ANKS1B: variants seen among roughly 807,000 people sequenced by gnomAD.
ANKS1B encodes the protein ankyrin repeat and sterile alpha motif domain containing 1B.
In ANKS1B, 36 loss-of-function variants were observed where a neutral mutation model predicts 148.3. The observed-to-expected ratio is 0.24, with a 90% CI of 0.19 to 0.32. ANKS1B has a LOEUF of 0.32. ANKS1B is among the 10% of genes least tolerant of loss of function. ANKS1B has a pLI of 1.00. For missense variants in ANKS1B, 1,157 were observed against 1,542.6 expected, an observed-to-expected ratio of 0.75 and a Z score of 4.19; for synonymous variants, 542 against 560.8, an observed-to-expected ratio of 0.97 and a Z score of 0.47.
chr12:99,710,553 G>T (rs147395504), intron 8 of ANKS1B, among the ~76,000 whole-genome samples: 1 of 152,228 alleles, frequency 6.6e-6, no homozygotes, highest in Non-Finnish European at 1.5e-5. Context: ...GTCATGAAAC[G>T]AAGGACTGAG....
At chr12:99,157,829 A>G (rs1331306955) in intron 14 of ANKS1B, among the ~76,000 whole-genome samples, 2 of 152,184 alleles carry the variant, frequency 1.3e-5, no homozygotes, top group Non-Finnish European at 2.9e-5. Flanking sequence ...ATTATATATT[A>G]CAAAAGACAG....
At chr12:99,153,417 A>G (rs944129885) in intron 15 of ANKS1B, among the ~76,000 whole-genome samples, 1 of 152,078 alleles carries the variant, frequency 6.6e-6, no homozygotes, top group Non-Finnish European at 1.5e-5. Flanking sequence ...GATATGTGTG[A>G]TGGGTACTTA....
intron 15 of ANKS1B, among the ~76,000 whole-genome samples, chr12:99,109,369 C>A (rs550977626): frequency 1.3e-5 from 2 of 152,244 alleles, no homozygotes; most frequent in East Asian, 1.9e-4. Context: ...GCTTTCATTA[C>A]GTGCCAGGCC....
At chr12:99,497,115 G>A (rs755650964) in intron 10 of ANKS1B, among the ~76,000 whole-genome samples, 10 of 152,102 alleles carry the variant, frequency 6.6e-5, no homozygotes, top group East Asian at 1.9e-4. Flanking sequence ...CCAAATCTAC[G>A]GATGCTTAAG....
chr12:99,341,827 A>T (rs2089971924), intron 12 of ANKS1B, among the ~76,000 whole-genome samples: 1 of 152,126 alleles, frequency 6.6e-6, no homozygotes, highest in Non-Finnish European at 1.5e-5. Flanking sequence ...AAAGGTATAT[A>T]GAAGGAAGCA....
intron 15 of ANKS1B, among the ~76,000 whole-genome samples, chr12:99,096,114 C>T (rs1315338878): frequency 6.6e-6 from 1 of 152,158 alleles, no homozygotes; most frequent in East Asian, 1.9e-4. Context: ...GAAATCCAAA[C>T]ACATTATAAT....
At chr12:99,244,965 G>A (rs151173056) in intron 13 of ANKS1B, among the ~76,000 whole-genome samples, 93 of 152,240 alleles carry the variant, frequency 6.1e-4, no homozygotes, top group Non-Finnish European at 9.1e-4. Flanking sequence ...AATGAGTCTC[G>A]TGCCTCAGCC....
At chr12:99,903,932 C>T (rs1254671158) in intron 1 of ANKS1B, among the ~76,000 whole-genome samples, 1 of 151,986 alleles carries the variant, frequency 6.6e-6, no homozygotes, top group Non-Finnish European at 1.5e-5. Flanking sequence ...GTGTTCAAAA[C>T]CCAGTGTGTA....
intron 1 of ANKS1B, among the ~76,000 whole-genome samples, chr12:99,860,873 T>C (rs963180537): frequency 1.4e-4 from 22 of 152,214 alleles, no homozygotes; most frequent in African/African-American, 5.1e-4. Context: ...AGGATGGCTA[T>C]ATCTTTCCTA....
intron 4 of ANKS1B, among the ~76,000 whole-genome samples, chr12:99,795,510 T>C (rs935332811): frequency 6.6e-6 from 1 of 151,966 alleles, no homozygotes. Context: ...AGAACTTCTA[T>C]AGGATATAAT....
chr12:98,905,973 G>A (rs913893917), intron 17 of ANKS1B, among the ~76,000 whole-genome samples: 1 of 152,150 alleles, frequency 6.6e-6, no homozygotes, highest in African/African-American at 2.4e-5. Flanking sequence ...ACACTTTGTT[G>A]GGACCTGGGA....
chr12:99,598,541 A>C (rs1205345220), intron 9 of ANKS1B, among the ~76,000 whole-genome samples: 1 of 152,112 alleles, frequency 6.6e-6, no homozygotes, highest in East Asian at 1.9e-4. Context: ...GCCCATATTC[A>C]TAACCACTGA....
intron 8 of ANKS1B, among the ~76,000 whole-genome samples, chr12:99,766,788 T>A (rs1422985796): frequency 6.6e-6 from 1 of 152,186 alleles, no homozygotes; most frequent in African/African-American, 2.4e-5. Flanking sequence ...GTTCCTATAA[T>A]AAGCCTCTAT....
chr12:99,436,024 C>T lies in ANKS1B; in HGVS notation c.1575+7649G>A, dbSNP rs983843552. ...TTTTACTTAATATTATTTTCTATTACGTCTATCTTTCTGTTTTTAGCCTTC... is the reference window on the plus strand; with the variant it reads ...TTTTACTTAATATTATTTTCTATTATGTCTATCTTTCTGTTTTTAGCCTTC... On this transcript the variant is annotated intron_variant, in intron 11 of 26. Transcript: ENST00000683438. 4.0e-5 allele frequency among the ~76,000 whole-genome samples: 6 copies of T among 151,592 alleles called. 1 individual carries two copies. In the South Asian group the frequency reaches 1.0e-3, roughly 26 times the overall value.
intron 17 of ANKS1B, among the ~76,000 whole-genome samples, chr12:98,854,466 T>G (rs115861681): frequency 1.9e-4 from 29 of 152,274 alleles, no homozygotes; most frequent in African/African-American, 6.7e-4. Context: ...CCAGGCTTTA[T>G]GCGCAATTTA....
intron 17 of ANKS1B, among the ~76,000 whole-genome samples, chr12:98,956,103 A>G (rs2099861771): frequency 6.6e-6 from 1 of 151,782 alleles, no homozygotes; most frequent in African/African-American, 2.4e-5. Flanking sequence ...AATGGAACGC[A>G]CTCTCTTTAT....
At chr12:99,423,881 A>C (rs1362967084) in intron 11 of ANKS1B, among the ~76,000 whole-genome samples, 1 of 152,014 alleles carries the variant, frequency 6.6e-6, no homozygotes, top group African/African-American at 2.4e-5. Context: ...AAAAATAGCT[A>C]ATGGGTACTA....
rs1394757439 is a variant in ANKS1B, at chr12:99,272,022, G to T, written c.1757-25158C>A. Among the ~76,000 whole-genome samples the T allele has an allele frequency of 3.9e-5, 6 of 152,114 alleles. No individual in the cohort carries two copies. In the East Asian group the frequency reaches 1.2e-3, roughly 29 times the overall value. On this transcript the variant is annotated intron_variant, in intron 12 of 26. Coordinates refer to ENST00000683438, the MANE Select transcript of ANKS1B (RefSeq NM_001352186.2). ...TTTTTTGTCTTTCAGTTGGGAGATG[G>T]AATCAGTGATTATCAATGTTCACCT...
At chr12:99,307,948 A>G (rs1300060650) in intron 12 of ANKS1B, among the ~76,000 whole-genome samples, 1 of 152,040 alleles carries the variant, frequency 6.6e-6, no homozygotes, top group African/African-American at 2.4e-5. Context: ...AGTCTTTTCT[A>G]TGGAGGACTC....
Sources: gnomAD v4.1 joint callset for allele counts (sites outside exome capture counted in the v4.1 genomes callset) on GRCh38, gnomAD v4.1.1 for gene constraint, MANE v1.5 for transcripts, NCBI Gene and HGNC (gene_info 2026-07-23, HGNC 2026-07-21) for gene names.